TTC3: variants seen among roughly 807,000 people sequenced by gnomAD.
The protein encoded by TTC3 is E3 ubiquitin-protein ligase TTC3.
A neutral mutation model predicts 249.6 loss-of-function variants in TTC3; 180 were observed. That is an observed-to-expected ratio of 0.72 (90% CI 0.64 to 0.82). The LOEUF (loss-of-function observed/expected upper bound fraction) is 0.82, where lower values mean the gene tolerates loss of function less well. Among genes scored for constraint, TTC3 ranks in the 40% least tolerant of loss-of-function variants. The pLI, the probability that TTC3 is intolerant of heterozygous loss-of-function variation, is 0.00. For missense variants in TTC3, 2,061 were observed against 2,398.4 expected (o/e 0.86, Z 2.94); for synonymous variants, 717 against 805.0 (o/e 0.89, Z 1.85).
chr21:37,119,921 G>C (rs1308067435), intron 11 of TTC3, among the ~76,000 whole-genome samples: 1 of 152,192 alleles, frequency 6.6e-6, no homozygotes, highest in African/African-American at 2.4e-5. Context: ...TTAATTCTAG[G>C]AAAAGGAGAC....
chr21:37,135,565 G>T, intron 18 of TTC3, 51 bp downstream of exon 18: 1 of 1,577,058 alleles, frequency 6.3e-7, no homozygotes, highest in Non-Finnish European at 8.6e-7. Context: ...CACCTCAGAT[G>T]AATGCAGAAG....
intron 16 of TTC3, 88 bp downstream of exon 16, chr21:37,129,151 T>A: frequency 1.3e-6 from 1 of 770,996 alleles, no homozygotes; most frequent in Non-Finnish European, 2.0e-6. Flanking sequence ...GAGTATTAGC[T>A]ACTTTAATGT....
exon 33 of TTC3, chr21:37,165,815 G>A (rs1414628329): frequency 6.2e-7 from 1 of 1,614,144 alleles, no homozygotes. Context: ...AGGGGAGTAT[G>A]TACGAGTTAA....
chr21:37,168,445 A>G (rs2081435497), intron 34 of TTC3, among the ~76,000 whole-genome samples: 1 of 152,174 alleles, frequency 6.6e-6, no homozygotes, highest in South Asian at 2.1e-4. Context: ...ATAAAAATAT[A>G]TATAAACAAT....
chr21:37,145,888 A>G (rs1369973741), intron 21 of TTC3, among the ~76,000 whole-genome samples: 1 of 152,174 alleles, frequency 6.6e-6, no homozygotes, highest in Non-Finnish European at 1.5e-5. Context: ...TTCATGAGAG[A>G]TTCGTCGCCA....
At chr21:37,133,325 C>T (rs2147926663) in intron 17 of TTC3, among the ~76,000 whole-genome samples, 1 of 152,200 alleles carries the variant, frequency 6.6e-6, no homozygotes, top group Admixed American at 6.5e-5. Flanking sequence ...GAATAGAATA[C>T]TCATTTCAAA....
At chr21:37,148,454 G>C (rs1379974780) in intron 22 of TTC3, 92 bp from the exon 23 acceptor site, 1 of 558,252 alleles carries the variant, frequency 1.8e-6, no homozygotes, top group Non-Finnish European at 3.1e-6. Flanking sequence ...AAATATGTTA[G>C]TCAAGCTCTC....
At chr21:37,149,552 T>G (rs555072563) in intron 23 of TTC3, among the ~76,000 whole-genome samples, 1 of 152,176 alleles carries the variant, frequency 6.6e-6, no homozygotes, top group Non-Finnish European at 1.5e-5. Flanking sequence ...ACTCTGTAAA[T>G]TAGTCAGCTT....
At position 37,103,640 on chromosome 21, in the gene TTC3, AT is replaced by A. The variant is rs570773598; in HGVS notation, c.846-4751del. Among the ~76,000 whole-genome samples, 224 of 152,314 alleles carry A rather than the reference AT, an allele frequency of 1.5e-3. 2 individuals are homozygous for A. Among genetic ancestry groups the A allele is most frequent in the African/African-American group, 4.9e-3 (205 of 41,566 alleles). On this transcript the variant is annotated intron_variant, in intron 10 of 45. Transcript: ENST00000355666. ...ATTATAACGCTGTTTGTAGTGCTAT[AT>A]ATTATAAGTAATGTTCAGCATTGAT...
intron 5 of TTC3, among the ~76,000 whole-genome samples, 200 bp from the exon 6 acceptor site, chr21:37,090,033 C>G (rs2073045436): frequency 6.6e-6 from 1 of 151,868 alleles, no homozygotes; most frequent in Non-Finnish European, 1.5e-5. Flanking sequence ...AGTTATTTTA[C>G]TGCTAGAACC....
intron 10 of TTC3, among the ~76,000 whole-genome samples, chr21:37,103,569 TATTA>T (rs1277331169): frequency 6.6e-6 from 1 of 152,234 alleles, no homozygotes; most frequent in Admixed American, 6.5e-5. Context: ...TTAGTATTAA[TATTA>T]ATTGCATTCA....
chr21:37,152,168 T>C, intron 26 of TTC3, 139 bp downstream of exon 26: 2 of 1,051,840 alleles, frequency 1.9e-6, no homozygotes. Flanking sequence ...TATCACTGTC[T>C]TCTGTTACTC....
Position 37,154,930 on chromosome 21 carries a change from C to T in TTC3, c.2740+1653C>T, listed in dbSNP as rs184404404. ...CAGGATGGTCTTGATCTCCTGACCTCGTGATCTGCCCACCTCGGCCTCCTA... is the reference window on the plus strand; with the variant it reads ...CAGGATGGTCTTGATCTCCTGACCTTGTGATCTGCCCACCTCGGCCTCCTA... On this transcript the variant is annotated intron_variant, in intron 27 of 45. Coordinates refer to ENST00000355666, the Ensembl canonical transcript of TTC3. Among the ~76,000 whole-genome samples the T allele has an allele frequency of 2.1e-4, 32 of 152,194 alleles. No homozygotes were observed. In the East Asian group the frequency reaches 5.2e-3, roughly 25 times the overall value.
At chr21:37,104,108 G>A (rs1055208948) in intron 10 of TTC3, among the ~76,000 whole-genome samples, 2 of 152,170 alleles carry the variant, frequency 1.3e-5, no homozygotes, top group Non-Finnish European at 2.9e-5. Context: ...GAGTTTAGAG[G>A]TGAAGCTGAC....
chr21:37,084,593 C>T (rs1487994718), intron 1 of TTC3, among the ~76,000 whole-genome samples: 1 of 152,136 alleles, frequency 6.6e-6, no homozygotes, highest in Non-Finnish European at 1.5e-5. Context: ...AAGTAACTTG[C>T]CCAAGATCAC....
chr21:37,080,988 G>C (rs995895651), intron 1 of TTC3, among the ~76,000 whole-genome samples: 3 of 149,870 alleles, frequency 2.0e-5, no homozygotes, highest in Admixed American at 6.7e-5. Context: ...TTTTACCTTT[G>C]TTCTTGACAG....
intron 1 of TTC3, among the ~76,000 whole-genome samples, chr21:37,076,091 T>C (rs989578939): frequency 6.6e-6 from 1 of 152,212 alleles, no homozygotes; most frequent in African/African-American, 2.4e-5. Context: ...GAATTGTGTA[T>C]ATTATGCCTT....
At chr21:37,143,658 G>A (rs965187458) in intron 20 of TTC3, among the ~76,000 whole-genome samples, 2 of 151,252 alleles carry the variant, frequency 1.3e-5, no homozygotes, top group Non-Finnish European at 2.9e-5. Flanking sequence ...CTGTAAACTA[G>A]TTCAACCATT....
intron 20 of TTC3, among the ~76,000 whole-genome samples, chr21:37,142,368 A>G (rs1435119504): frequency 1.3e-5 from 2 of 152,212 alleles, no homozygotes; most frequent in African/African-American, 4.8e-5. Flanking sequence ...TCTCAGCCCA[A>G]AATCTTCTTA....
Sources: allele counts gnomAD v4.1 joint callset (sites outside exome capture counted in the v4.1 genomes callset), GRCh38; gene constraint gnomAD v4.1.1; transcripts MANE v1.5; gene names NCBI Gene and HGNC (gene_info 2026-07-23, HGNC 2026-07-21).